The following B3GALNT2 variants were observed in gnomAD, a reference collection of about 807,000 sequenced individuals.
The protein encoded by B3GALNT2 is UDP-GalNAc:beta-1,3-N-acetylgalactosaminyltransferase 2.
A neutral mutation model predicts 61.1 loss-of-function variants in B3GALNT2; 53 were observed. The ratio of observed to expected loss-of-function variants is 0.87; its 90% confidence interval spans 0.70 to 1.09. The LOEUF (loss-of-function observed/expected upper bound fraction) is 1.09. B3GALNT2 is among the 50% of genes least tolerant of loss of function. B3GALNT2 has a pLI of 0.00. For missense variants in B3GALNT2, 544 were observed against 623.0 expected (o/e 0.87, Z 1.35); for synonymous variants, 223 against 237.4 (o/e 0.94, Z 0.56).
At chr1:235,493,638 C>T (rs746782035) in intron 2 of B3GALNT2, among the ~76,000 whole-genome samples, 5 of 152,094 alleles carry the variant, frequency 3.3e-5, no homozygotes, top group Non-Finnish European at 7.4e-5. Flanking sequence ...ATTAGCCGGG[C>T]ATGGTGGCAA....
chr1:235,501,570 C>T (rs924236819), intron 1 of B3GALNT2, among the ~76,000 whole-genome samples: 1 of 152,148 alleles, frequency 6.6e-6, no homozygotes, highest in Admixed American at 6.5e-5. Context: ...GGAAGTTTAG[C>T]TTGATTACTG....
chr1:235,474,752 T>C (rs1448549825), intron 5 of B3GALNT2, among the ~76,000 whole-genome samples: 1 of 151,024 alleles, frequency 6.6e-6, no homozygotes, highest in Admixed American at 6.6e-5. Flanking sequence ...ACCTGGGAGG[T>C]GGAGGTTGCA....
intron 9 of B3GALNT2, among the ~76,000 whole-genome samples, chr1:235,455,337 T>G (rs1683110617): frequency 6.6e-6 from 1 of 152,122 alleles, no homozygotes; most frequent in South Asian, 2.1e-4. Context: ...TTTGAACTCT[T>G]GGCCTCAAAG....
In B3GALNT2 at chr1:235,494,784, C is replaced by T; in HGVS notation, c.157G>A (p.Val53Met). 1.2e-6 allele frequency: 2 copies of T among 1,611,128 alleles called. No individual in the cohort carries two copies. The highest frequency in any genetic ancestry group is 8.5e-7 in the Non-Finnish European group (1 of 1,177,418). The change falls in exon 2 of 12, where the codon GTG becomes ATG. Residue 53 changes from valine to methionine, a missense_variant. Val to Met is a conservative substitution (Grantham distance 21). Coordinates refer to ENST00000366600, the MANE Select transcript of B3GALNT2 (RefSeq NM_152490.5). ...CGAGCTGACAACACGCCAACTACCA[C>T]ATCATAGTGAGTAGATTTCCACTGA... is the stretch of plus-strand genomic sequence containing the variant. ...FPQWKSTHYD[V>M]VVGVLSARNN... is the part of the protein sequence containing the mutation.
At chr1:235,493,669 T>C (rs986969483) in intron 2 of B3GALNT2, among the ~76,000 whole-genome samples, 2 of 152,058 alleles carry the variant, frequency 1.3e-5, no homozygotes, top group Non-Finnish European at 2.9e-5. Flanking sequence ...TCCCAGCTAC[T>C]TGGGAGGCTG....
intron 1 of B3GALNT2, among the ~76,000 whole-genome samples, chr1:235,500,406 G>T (rs1274600136): frequency 2.0e-5 from 3 of 152,120 alleles, no homozygotes; most frequent in African/African-American, 7.2e-5. Flanking sequence ...GCTTCAACCC[G>T]GAGGCAGAGG....
chr1:235,489,977 C>A (rs116199083), intron 2 of B3GALNT2, among the ~76,000 whole-genome samples: 3 of 152,158 alleles, frequency 2.0e-5, no homozygotes, highest in Admixed American at 1.3e-4. Context: ...TGAACTCTTA[C>A]CTTCCTGGTT....
At chr1:235,442,733 T>C (rs1409121501), downstream of B3GALNT2, 1 of 905,552 alleles carries the variant, frequency 1.1e-6, no homozygotes, top group Non-Finnish European at 1.8e-6. Context: ...AAACATTGAT[T>C]AGACCTGCCA....
downstream of B3GALNT2, among the ~76,000 whole-genome samples, chr1:235,442,587 G>A (rs1007324628): frequency 6.6e-6 from 1 of 152,178 alleles, no homozygotes; most frequent in Non-Finnish European, 1.5e-5. Flanking sequence ...GAACCAAATT[G>A]TGATTTGTGA....
chr1:235,484,600 C>A, intron 3 of B3GALNT2, 85 bp from the exon 4 acceptor site: 1 of 1,424,814 alleles, frequency 7.0e-7, no homozygotes, highest in Non-Finnish European at 9.2e-7. Context: ...GGCTTAATGC[C>A]AAAACCTAGG....
In B3GALNT2 at chr1:235,449,465, T is replaced by C. The variant is rs979754360; in HGVS notation, c.*741A>G. 1 of 153,040 alleles carries C rather than the reference T, an allele frequency of 6.5e-6. No individual in the cohort carries two copies. The highest frequency in any genetic ancestry group is 2.4e-5 in the African/African-American group (1 of 41,460). 9.5% of individuals were successfully genotyped at this position (153,040 alleles called of 1,614,324 possible). ...ATGGCACTAAAACCCTGAGAGGTAT[T>C]TGCTTTTATTCATACTCACACAACT... On this transcript the variant is annotated 3_prime_UTR_variant, in exon 12 of 12. Coordinates refer to ENST00000366600, the MANE Select transcript of B3GALNT2 (RefSeq NM_152490.5).
At position 235,448,549 on chromosome 1, in the gene B3GALNT2, CTGTT is replaced by C. The variant is rs551940262; in HGVS notation, c.*1653_*1656del. On this transcript the variant is annotated 3_prime_UTR_variant, in exon 12 of 12. Coordinates refer to ENST00000366600, the MANE Select transcript of B3GALNT2 (RefSeq NM_152490.5). ...TTGATTCTAAATGGAGACCATGGGT[CTGTT>C]TGTTTGATTTTAAGGGTAAGCTACT... is the stretch of plus-strand genomic sequence containing the variant. 11,066 of 1,387,174 alleles carry C rather than the reference CTGTT, an allele frequency of 8.0e-3. 65 individuals are homozygous for C. Among genetic ancestry groups the C allele is most frequent in the Middle Eastern group, 0.019 (104 of 5,548 alleles). The allele number at this position is 1,387,174 out of a possible 1,614,324, so 85.9% of individuals were successfully genotyped here. A position where few individuals can be genotyped will look rare whatever the true frequency, so the allele number is the denominator to read the frequency against.
chr1:235,449,279 A>ATGCTT lies in B3GALNT2; in HGVS notation c.*922_*926dup. Reference sequence around the variant, plus strand: ...TTCTAAGAGTACTTAAATTAATCACATGCTTTTCCCTACAATTATACCTAA... The same window carrying ATGCTT: ...TTCTAAGAGTACTTAAATTAATCACATGCTTTGCTTTTCCCTACAATTATACCTAA... On this transcript the variant is annotated 3_prime_UTR_variant, in exon 12 of 12. Coordinates refer to ENST00000366600, the MANE Select transcript of B3GALNT2 (RefSeq NM_152490.5). 6.0e-6 allele frequency: 1 copy of ATGCTT among 165,724 alleles called. No homozygotes were observed. The highest frequency in any genetic ancestry group is 1.3e-5 in the Non-Finnish European group (1 of 75,844). 10.3% of individuals were successfully genotyped at this position (165,724 alleles called of 1,614,324 possible).
intron 11 of B3GALNT2, 114 bp downstream of exon 11, chr1:235,452,976 T>C (rs1035123126): frequency 5.3e-6 from 5 of 941,154 alleles, no homozygotes; most frequent in Non-Finnish European, 8.1e-6. Flanking sequence ...CAAAAAAATC[T>C]GAAATCCTAA....
chr1:235,500,389 G>A (rs942661433), intron 1 of B3GALNT2, among the ~76,000 whole-genome samples: 2 of 152,188 alleles, frequency 1.3e-5, no homozygotes, highest in East Asian at 1.9e-4. Flanking sequence ...GCTGAGGCAG[G>A]AGAATGGCTT....
At chr1:235,444,408 TA>T (rs1314848410), downstream of B3GALNT2, among the ~76,000 whole-genome samples, 2 of 152,166 alleles carry the variant, frequency 1.3e-5, no homozygotes, top group East Asian at 1.9e-4. Context: ...ATTTTTGATA[TA>T]TTTTTTTCAG....
At chr1:235,450,598 C>T in intron 11 of B3GALNT2, 1 of 416,800 alleles carries the variant, frequency 2.4e-6, no homozygotes, top group East Asian at 4.4e-5. Flanking sequence ...AAATGCCATT[C>T]CGTAATGAAC....
chr1:235,478,733 G>C (rs931209355), intron 5 of B3GALNT2, among the ~76,000 whole-genome samples: 2 of 152,110 alleles, frequency 1.3e-5, no homozygotes, highest in African/African-American at 4.8e-5. Context: ...AAATAATAGA[G>C]CACATCAAAA....
chr1:235,455,716 G>A (rs1572485507), intron 8 of B3GALNT2, 32 bp from the exon 9 acceptor site: 1 of 1,591,410 alleles, frequency 6.3e-7, no homozygotes. Flanking sequence ...GAAAGTCAGT[G>A]CGACCAAACA....
Sources: gnomAD v4.1 joint callset for allele counts (sites outside exome capture counted in the v4.1 genomes callset) on GRCh38, gnomAD v4.1.1 for gene constraint, MANE v1.5 for transcripts, NCBI Gene and HGNC (gene_info 2026-07-23, HGNC 2026-07-21) for gene names.